SLC25A48: variants seen among roughly 807,000 people sequenced by gnomAD.
SLC25A48 encodes the protein solute carrier family 25 member 48.
A neutral mutation model predicts 32.2 loss-of-function variants in SLC25A48; 29 were observed. That is an observed-to-expected ratio of 0.90 (90% CI 0.67 to 1.23). The LOEUF (loss-of-function observed/expected upper bound fraction) is 1.23, where lower values mean the gene tolerates loss of function less well. SLC25A48 is among the 50% of genes most tolerant of loss of function. The pLI is 0.00. For missense variants in SLC25A48, 399 were observed against 422.7 expected (o/e 0.94, Z 0.49); for synonymous variants, 164 against 172.3 (o/e 0.95, Z 0.38).
intron 1 of SLC25A48, among the ~76,000 whole-genome samples, chr5:135,841,548 A>G (rs753526945): frequency 1.3e-5 from 2 of 152,200 alleles, no homozygotes; most frequent in Non-Finnish European, 2.9e-5. Context: ...TTCATGACAT[A>G]GGGATCTTCA....
At chr5:135,630,811 A>G (rs1370936855) in intron 2 of SLC25A48, among the ~76,000 whole-genome samples, 6 of 152,002 alleles carry the variant, frequency 3.9e-5, no homozygotes, top group Non-Finnish European at 8.8e-5. Context: ...CATGTTGGCC[A>G]GGCTGGTCTT....
At chr5:135,848,981 TTTG>T (rs959660653) in intron 2 of SLC25A48, among the ~76,000 whole-genome samples, 56 of 152,322 alleles carry the variant, frequency 3.7e-4, no homozygotes, top group African/African-American at 1.3e-3. Context: ...GTGACATTAA[TTTG>T]TTGTTGTTGT....
intron 3 of SLC25A48, among the ~76,000 whole-genome samples, chr5:135,776,397 A>G (rs1756562151): frequency 6.6e-6 from 1 of 151,874 alleles, no homozygotes; most frequent in Admixed American, 6.6e-5. Flanking sequence ...GGGAATGTAC[A>G]CACCTTCTGT....
At chr5:135,705,302 A>C (rs1754482139) in intron 3 of SLC25A48, among the ~76,000 whole-genome samples, 1 of 152,198 alleles carries the variant, frequency 6.6e-6, no homozygotes. Context: ...TGATGCTGTC[A>C]CTGTTGATAA....
intron 3 of SLC25A48, among the ~76,000 whole-genome samples, chr5:135,713,891 T>C (rs1754733091): frequency 6.6e-6 from 1 of 152,130 alleles, no homozygotes; most frequent in African/African-American, 2.4e-5. Context: ...GGAGCCTCCG[T>C]TGGGTTGGTC....
chr5:135,769,149 G>A (rs1756329767), intron 3 of SLC25A48, among the ~76,000 whole-genome samples: 1 of 150,608 alleles, frequency 6.6e-6, no homozygotes, highest in Non-Finnish European at 1.5e-5. Context: ...ATATCGCAAG[G>A]GGTGTACACC....
At chr5:135,665,424 TTTAA>T (rs1753498700) in intron 3 of SLC25A48, among the ~76,000 whole-genome samples, 1 of 152,188 alleles carries the variant, frequency 6.6e-6, no homozygotes, top group Non-Finnish European at 1.5e-5. Context: ...AGCTTTTTAG[TTTAA>T]TTAGGTTTCA....
intron 7 of SLC25A48, among the ~76,000 whole-genome samples, chr5:135,886,062 T>C (rs1762701084): frequency 1.3e-5 from 2 of 152,194 alleles, no homozygotes; most frequent in South Asian, 2.1e-4. Flanking sequence ...AGTTCCGAAT[T>C]TGATGTTGGT....
chr5:135,871,970 C>A, intron 5 of SLC25A48: 1 of 1,387,004 alleles, frequency 7.2e-7, no homozygotes, highest in African/African-American at 1.4e-5. Context: ...AACACATACT[C>A]TGTGTCAGGC....
chr5:135,622,467 T>G (rs1353054535), intron 1 of SLC25A48, among the ~76,000 whole-genome samples: 2 of 152,254 alleles, frequency 1.3e-5, no homozygotes, highest in Non-Finnish European at 2.9e-5. Flanking sequence ...GGCCCATCCA[T>G]ATGATGAATA....
chr5:135,663,921 C>T lies in SLC25A48; in HGVS notation c.-521+28965C>T, dbSNP rs959852544. On this transcript the variant is annotated intron_variant, in intron 3 of 10. Coordinates refer to the SLC25A48 transcript ENST00000646290. ...CTGGGTGATGCCCGTACATGAGCCA[C>T]CTGCCAGGCACTGATGTCCTCCACC... is the stretch of plus-strand genomic sequence containing the variant. Among the ~76,000 whole-genome samples the T allele has an allele frequency of 9.2e-5, 14 of 152,328 alleles. No homozygotes were observed. In the South Asian group the frequency reaches 2.9e-3, roughly 32 times the overall value.
At chr5:135,642,622 A>AT (rs1247813700) in intron 3 of SLC25A48, among the ~76,000 whole-genome samples, 1 of 152,154 alleles carries the variant, frequency 6.6e-6, no homozygotes, top group Non-Finnish European at 1.5e-5. Flanking sequence ...ATAATGTGTT[A>AT]TTTTTTTGGA....
intron 3 of SLC25A48, among the ~76,000 whole-genome samples, chr5:135,678,889 G>A (rs1580778480): frequency 6.6e-6 from 1 of 152,302 alleles, no homozygotes; most frequent in East Asian, 1.9e-4. Context: ...CAAGGACATA[G>A]GGTGGGTCCA....
chr5:135,873,921 C>A (rs1761855005), intron 5 of SLC25A48, 100 bp from the exon 6 acceptor site: 1 of 1,313,010 alleles, frequency 7.6e-7, no homozygotes, highest in South Asian at 1.6e-5. Context: ...GTCCCTTCTC[C>A]CAGCTTAATG....
chr5:135,701,248 G>A (rs180788273), intron 3 of SLC25A48, among the ~76,000 whole-genome samples: 13 of 152,250 alleles, frequency 8.5e-5, no homozygotes, highest in Admixed American at 6.5e-4. Context: ...TCCCCTCATC[G>A]TCTCTGATTA....
intron 3 of SLC25A48, 71 bp from the exon 4 acceptor site, chr5:135,852,492 C>T (rs1759954408): frequency 2.0e-6 from 3 of 1,526,874 alleles, no homozygotes; most frequent in Middle Eastern, 1.8e-4. Flanking sequence ...GGTGGTGTAC[C>T]CCGTCAGCCT....
chr5:135,720,534 A>G (rs1754926546), intron 3 of SLC25A48, among the ~76,000 whole-genome samples: 1 of 152,230 alleles, frequency 6.6e-6, no homozygotes. Flanking sequence ...CACGAGAATC[A>G]ATGACCCTGT....
chr5:135,633,187 C>T (rs574391944), intron 2 of SLC25A48, among the ~76,000 whole-genome samples: 6 of 152,024 alleles, frequency 3.9e-5, no homozygotes, highest in Non-Finnish European at 5.9e-5. Flanking sequence ...GTGGGCTGTA[C>T]GGTTTATTCA....
At chr5:135,879,908 T>C (rs1762336440) in intron 6 of SLC25A48, 60 bp from the exon 7 acceptor site, 1 of 1,520,746 alleles carries the variant, frequency 6.6e-7, no homozygotes, top group Non-Finnish European at 8.8e-7. Flanking sequence ...CTGCCCCTCC[T>C]TGGTGGCCCT....
Sources: allele counts gnomAD v4.1 joint callset (sites outside exome capture counted in the v4.1 genomes callset), GRCh38; gene constraint gnomAD v4.1.1; transcripts MANE v1.5; gene names NCBI Gene and HGNC (gene_info 2026-07-23, HGNC 2026-07-21).